The following GOLM1 variants were observed in gnomAD, a reference collection of about 807,000 sequenced individuals.
GOLM1 encodes golgi membrane protein 1, also known as epididymis luminal protein 46.
A neutral mutation model predicts 50.5 loss-of-function variants in GOLM1; 31 were observed. The ratio of observed to expected loss-of-function variants is 0.61; its 90% CI spans 0.46 to 0.83. GOLM1 has a LOEUF of 0.83. Among genes scored for constraint, GOLM1 ranks in the 40% least tolerant of loss-of-function variants. The pLI, the probability that GOLM1 is intolerant of heterozygous loss-of-function variation, is 0.00. For missense variants in GOLM1, 491 were observed against 501.3 expected (o/e 0.98, Z 0.20); for synonymous variants, 178 against 192.8 (o/e 0.92, Z 0.64).
At chr9:86,048,673 CTTT>C (rs1006425538) in intron 4 of GOLM1, among the ~76,000 whole-genome samples, 6 of 152,296 alleles carry the variant, frequency 3.9e-5, no homozygotes, top group Admixed American at 2.6e-4. Flanking sequence ...TAAACATCTT[CTTT>C]TGAGACATGC....
At chr9:86,068,531 C>G (rs929572339) in intron 3 of GOLM1, among the ~76,000 whole-genome samples, 2 of 152,122 alleles carry the variant, frequency 1.3e-5, no homozygotes, top group Non-Finnish European at 2.9e-5. Context: ...GGCCCCTGCC[C>G]CTGCCCAGGT....
At position 86,026,393 on chromosome 9, in the gene GOLM1, G is replaced by A; in HGVS notation, c.*1424C>T. On this transcript the variant is annotated 3_prime_UTR_variant, in exon 10 of 10. Coordinates refer to ENST00000388712, the MANE Select transcript of GOLM1 (RefSeq NM_016548.4). ...TCACATATGAAGAATGTTTAAGTTG[G>A]AGGTGGCAACGTGAATTGCAAACAG... 1.0e-6 allele frequency: 1 copy of A among 985,264 alleles called. No homozygotes were observed. Among genetic ancestry groups the A allele is most frequent in the Non-Finnish European group, 1.2e-6 (1 of 829,888 alleles). 61.0% of individuals were successfully genotyped at this position (985,264 alleles called of 1,614,324 possible).
At chr9:86,049,916 G>C (rs2118717869) in intron 4 of GOLM1, among the ~76,000 whole-genome samples, 1 of 152,286 alleles carries the variant, frequency 6.6e-6, no homozygotes, top group Non-Finnish European at 1.5e-5. Flanking sequence ...GAATAGGAGT[G>C]GTGAGACAGG....
In GOLM1 at chr9:86,036,682, G is replaced by A. The variant is rs1026170257; in HGVS notation, c.598-175C>T. 9 of 627,946 alleles carry A rather than the reference G, an allele frequency of 1.4e-5. No individual in the cohort carries two copies. In the African/African-American group the frequency reaches 1.7e-4, roughly 12 times the overall value. The allele number at this position is 627,946 out of a possible 1,614,324, so 38.9% of individuals were successfully genotyped here. On this transcript the variant is annotated intron_variant, in intron 6 of 9. Coordinates refer to ENST00000388712, the MANE Select transcript of GOLM1 (RefSeq NM_016548.4). The stretch of plus-strand genomic sequence containing the variant: ...CGCCCTGGTCATGTGGCGTAAATCA[G>A]AAGACAAGAGGTTGAGTCAAGGTCT...
chr9:86,039,441 C>T (rs888370576), intron 6 of GOLM1, among the ~76,000 whole-genome samples: 8 of 152,232 alleles, frequency 5.3e-5, no homozygotes, highest in African/African-American at 1.9e-4. Context: ...AGCAGTTCCA[C>T]TCCTAGGTAT....
intron 4 of GOLM1, among the ~76,000 whole-genome samples, chr9:86,049,535 C>A (rs1833667018): frequency 6.6e-6 from 1 of 152,160 alleles, no homozygotes; most frequent in Non-Finnish European, 1.5e-5. Context: ...TTTGTGTCCT[C>A]TTTTATTTCA....
intron 3 of GOLM1, among the ~76,000 whole-genome samples, chr9:86,071,965 CAAAG>C (rs1834459226): frequency 6.6e-6 from 1 of 151,934 alleles, no homozygotes; most frequent in Non-Finnish European, 1.5e-5. Flanking sequence ...TATATTTATA[CAAAG>C]AAAGAGGGTA....
chr9:86,090,264 T>C (rs7033754), intron 1 of GOLM1, among the ~76,000 whole-genome samples: 36,712 of 152,070 alleles, frequency 0.24, 7,535 homozygotes, highest in African/African-American at 0.54. Context: ...CCTAGCAGAC[T>C]TTGAGTGTTA....
intron 1 of GOLM1, among the ~76,000 whole-genome samples, chr9:86,086,460 A>C (rs1160357830): frequency 6.6e-6 from 1 of 151,638 alleles, no homozygotes; most frequent in Non-Finnish European, 1.5e-5. Flanking sequence ...GAAGCTCGTT[A>C]GCTTAACTAG....
chr9:86,054,426 G>A (rs866614278), intron 3 of GOLM1, among the ~76,000 whole-genome samples: 2 of 152,254 alleles, frequency 1.3e-5, no homozygotes, highest in Middle Eastern at 3.4e-3. Context: ...GTTTCACCAT[G>A]TTGGCCAGGC....
At chr9:86,046,789 G>A (rs1020539614) in intron 4 of GOLM1, among the ~76,000 whole-genome samples, 6 of 152,212 alleles carry the variant, frequency 3.9e-5, no homozygotes, top group African/African-American at 1.4e-4. Flanking sequence ...CAAGCCGAAA[G>A]AAGCTGCGTC....
chr9:86,077,116 G>C (rs1834640397), intron 3 of GOLM1, among the ~76,000 whole-genome samples: 1 of 151,930 alleles, frequency 6.6e-6, no homozygotes, highest in Non-Finnish European at 1.5e-5. Flanking sequence ...CATGTTTGTG[G>C]AAAGTGGGAA....
rs1033380660 is a variant in GOLM1, at chr9:86,027,029, GTTTGT to G, written c.*783_*787del. The G allele has an allele frequency of 3.8e-5, 37 of 985,370 alleles. No homozygotes were observed. The African/African-American group carries it at 5.4e-4, about 14-fold the overall frequency. The allele number at this position is 985,370 out of a possible 1,614,324, so 61.0% of individuals were successfully genotyped here. The stretch of plus-strand genomic sequence containing the variant: ...CTCCAGGTCAGCCCCCTTTTGGCCT[GTTTGT>G]TTTGTCAAAAACCTAATCTGCTTCT... On this transcript the variant is annotated 3_prime_UTR_variant, in exon 10 of 10. Coordinates refer to ENST00000388712, the MANE Select transcript of GOLM1 (RefSeq NM_016548.4).
intron 1 of GOLM1, among the ~76,000 whole-genome samples, chr9:86,085,854 ATTTTC>A (rs1219446639): frequency 5.9e-5 from 9 of 151,958 alleles, no homozygotes; most frequent in African/African-American, 1.7e-4. Context: ...TACGTGCCAT[ATTTTC>A]TTTATCTAGT....
chr9:86,049,598 G>A (rs1833669930), intron 4 of GOLM1, among the ~76,000 whole-genome samples: 1 of 152,180 alleles, frequency 6.6e-6, no homozygotes, highest in African/African-American at 2.4e-5. Context: ...TCCCTTGTAA[G>A]TTGGATTCCT....
chr9:86,045,481 T>C (rs1833506838), intron 5 of GOLM1, among the ~76,000 whole-genome samples: 1 of 151,928 alleles, frequency 6.6e-6, no homozygotes, highest in African/African-American at 2.4e-5. Context: ...AAGAACAGCC[T>C]GGCTGACATG....
At chr9:86,088,990 G>A (rs1228513467) in intron 1 of GOLM1, among the ~76,000 whole-genome samples, 1 of 152,142 alleles carries the variant, frequency 6.6e-6, no homozygotes, top group African/African-American at 2.4e-5. Flanking sequence ...TTGCTTGTCT[G>A]TAAAGGATTT....
In GOLM1 at chr9:86,027,605, C is replaced by T. The variant is rs1832826208; in HGVS notation, c.*212G>A. ...ATACCTACTACCAAAAATTGTGACA[C>T]CTTATTAGACACTTCCAAAGTACCC... is the stretch of plus-strand genomic sequence containing the variant. On this transcript the variant is annotated 3_prime_UTR_variant, in exon 10 of 10. Coordinates refer to ENST00000388712, the MANE Select transcript of GOLM1 (RefSeq NM_016548.4). 9 of 1,323,566 alleles carry T rather than the reference C, an allele frequency of 6.8e-6. No individual in the cohort carries two copies. The South Asian group carries it at 1.1e-4, about 16-fold the overall frequency. 82.0% of individuals were successfully genotyped at this position (1,323,566 alleles called of 1,614,324 possible). A position where few individuals can be genotyped will look rare whatever the true frequency, so the allele number is the denominator to read the frequency against.
At chr9:86,033,696 A>G (rs1345496263) in intron 8 of GOLM1, among the ~76,000 whole-genome samples, 3 of 152,224 alleles carry the variant, frequency 2.0e-5, no homozygotes, top group South Asian at 4.1e-4. Flanking sequence ...TCAACTCAAG[A>G]TAAAAGAAAG....
Sources: gnomAD v4.1 joint callset for allele counts (sites outside exome capture counted in the v4.1 genomes callset) on GRCh38, gnomAD v4.1.1 for gene constraint, MANE v1.5 for transcripts, NCBI Gene and HGNC (gene_info 2026-07-23, HGNC 2026-07-21) for gene names.